The following ERC2 variants were observed in gnomAD, a reference collection of about 807,000 sequenced individuals.
ERC2 encodes ELKS/RAB6-interacting/CAST family member 2, also known as ERC protein 2.
In ERC2, 42 loss-of-function variants were observed where a neutral mutation model predicts 114.8. The ratio of observed to expected loss-of-function variants is 0.37; its 90% CI spans 0.29 to 0.47. The LOEUF (loss-of-function observed/expected upper bound fraction) is 0.47, where lower values mean the gene tolerates loss of function less well. Among genes scored for constraint, ERC2 ranks in the 20% least tolerant of loss-of-function variants. ERC2 has a pLI of 0.99. For synonymous variants in ERC2, 454 were observed against 425.5 expected, an observed-to-expected ratio of 1.07 and a Z score of -0.82; for missense variants, 939 against 1,150.7, an observed-to-expected ratio of 0.82 and a Z score of 2.66.
chr3:55,606,512 T>C (rs2058649252), intron 17 of ERC2: 1 of 152,236 alleles, frequency 6.6e-6, no homozygotes, highest in Non-Finnish European at 1.5e-5. Context: ...TGTAGCAAGA[T>C]CCAAACAACA....
rs114916260 is a variant in ERC2 at position 56,447,196 on chromosome 3, A to G, written c.-140-12049T>C. Among the ~76,000 whole-genome samples the G allele has an allele frequency of 8.9e-3, 1,361 of 152,294 alleles. 31 individuals are homozygous for G. Among genetic ancestry groups the G allele is most frequent in the African/African-American group, 0.031 (1,288 of 41,560 alleles). ...CTGTGTCTGAGCTTGGCCACGGGGG[A>G]CTGGGTTGGCCTTCCCTTGCAGGAC... On this transcript the variant is annotated intron_variant, in intron 1 of 17. Coordinates refer to ENST00000288221, the MANE Select transcript of ERC2 (RefSeq NM_015576.3).
chr3:56,191,368 A>G (rs2047769123), intron 3 of ERC2, among the ~76,000 whole-genome samples: 1 of 152,164 alleles, frequency 6.6e-6, no homozygotes, highest in African/African-American at 2.4e-5. Context: ...GCTCCCCAGC[A>G]TGCAGCATAC....
chr3:56,411,464 C>T (rs949322780), intron 2 of ERC2, among the ~76,000 whole-genome samples: 1 of 151,774 alleles, frequency 6.6e-6, no homozygotes, highest in Non-Finnish European at 1.5e-5. Context: ...ATTTAGATAC[C>T]CTAATTTAAA....
intron 14 of ERC2, among the ~76,000 whole-genome samples, chr3:55,849,658 C>G (rs2061495569): frequency 6.6e-6 from 1 of 152,140 alleles, no homozygotes; most frequent in African/African-American, 2.4e-5. Context: ...TTTTTACATT[C>G]TAATGATTTC....
intron 6 of ERC2, among the ~76,000 whole-genome samples, chr3:56,118,730 G>A (rs796866905): frequency 3.0e-4 from 44 of 148,334 alleles, no homozygotes; most frequent in African/African-American, 9.7e-4. Flanking sequence ...TCCGCCTCCC[G>A]GGTTCACGCC....
At chr3:56,070,358 G>A (rs139251139) in intron 7 of ERC2, among the ~76,000 whole-genome samples, 3 of 152,246 alleles carry the variant, frequency 2.0e-5, no homozygotes, top group Non-Finnish European at 2.9e-5. Flanking sequence ...ATTGACAGAT[G>A]TGTCAAGATG....
intron 17 of ERC2, among the ~76,000 whole-genome samples, chr3:55,662,921 G>A (rs182383055): frequency 6.6e-6 from 1 of 152,138 alleles, no homozygotes; most frequent in South Asian, 2.1e-4. Flanking sequence ...ATGAGAGAGG[G>A]CTATTTAACT....
At chr3:55,729,887 G>T (rs552713853) in intron 15 of ERC2, among the ~76,000 whole-genome samples, 1 of 134,832 alleles carries the variant, frequency 7.4e-6, no homozygotes, top group Non-Finnish European at 1.5e-5. Context: ...ACAAGGAAGC[G>T]GTCTTTATGT....
At chr3:55,799,083 T>C (rs987380720) in intron 14 of ERC2, among the ~76,000 whole-genome samples, 11 of 151,962 alleles carry the variant, frequency 7.2e-5, no homozygotes, top group African/African-American at 2.7e-4. Context: ...GATTCATCGG[T>C]CACAGTAGCA....
intron 13 of ERC2, among the ~76,000 whole-genome samples, chr3:55,907,768 T>C (rs963341382): frequency 6.6e-6 from 1 of 152,210 alleles, no homozygotes; most frequent in African/African-American, 2.4e-5. Context: ...AGATTGGAGA[T>C]AATAACACAC....
intron 12 of ERC2, among the ~76,000 whole-genome samples, chr3:55,967,422 C>G (rs1314821306): frequency 1.3e-5 from 2 of 152,134 alleles, no homozygotes; most frequent in Non-Finnish European, 1.5e-5. Flanking sequence ...GGGTCTCAAC[C>G]TCGTATTTCT....
chr3:55,593,957 T>C (rs1559711523), intron 17 of ERC2, among the ~76,000 whole-genome samples: 1 of 152,130 alleles, frequency 6.6e-6, no homozygotes, highest in Non-Finnish European at 1.5e-5. Flanking sequence ...GATGCCAGCA[T>C]TGACCCTTCA....
At chr3:56,110,560 T>A (rs966507543) in intron 6 of ERC2, among the ~76,000 whole-genome samples, 2 of 152,174 alleles carry the variant, frequency 1.3e-5, no homozygotes, top group African/African-American at 4.8e-5. Flanking sequence ...TTTAATATAA[T>A]GTACATACAA....
At chr3:56,345,370 T>A (rs1472180279) in intron 2 of ERC2, among the ~76,000 whole-genome samples, 1 of 152,204 alleles carries the variant, frequency 6.6e-6, no homozygotes. Flanking sequence ...ACAGTCTGGT[T>A]GAAAGGGCAA....
chr3:55,962,139 AG>A (rs1363097699), intron 12 of ERC2, among the ~76,000 whole-genome samples: 3 of 152,230 alleles, frequency 2.0e-5, no homozygotes, highest in African/African-American at 7.2e-5. Context: ...AGGTCAAAAA[AG>A]AAAAAAAAGC....
At chr3:55,578,996 T>C (rs2057124817) in intron 17 of ERC2, among the ~76,000 whole-genome samples, 1 of 152,154 alleles carries the variant, frequency 6.6e-6, no homozygotes, top group South Asian at 2.1e-4. Flanking sequence ...AGGCTTAGGC[T>C]GGGAAGTGGC....
chr3:55,642,120 T>C (rs2060209277), intron 17 of ERC2, among the ~76,000 whole-genome samples: 1 of 152,134 alleles, frequency 6.6e-6, no homozygotes, highest in African/African-American at 2.4e-5. Context: ...GAATAAACAA[T>C]GAGGAATGTA....
At chr3:56,408,423 T>C (rs1021157522) in intron 2 of ERC2, among the ~76,000 whole-genome samples, 14 of 152,028 alleles carry the variant, frequency 9.2e-5, no homozygotes, top group Admixed American at 7.2e-4. Flanking sequence ...GTAAGGGAGA[T>C]AGGCATAATG....
At chr3:55,947,308 A>G (rs1309562559) in intron 13 of ERC2, among the ~76,000 whole-genome samples, 1 of 152,108 alleles carries the variant, frequency 6.6e-6, no homozygotes, top group African/African-American at 2.4e-5. Flanking sequence ...GAAATTTTTC[A>G]TTATGCATAT....
Sources: gnomAD v4.1 joint callset for allele counts (sites outside exome capture counted in the v4.1 genomes callset) on GRCh38, gnomAD v4.1.1 for gene constraint, MANE v1.5 for transcripts, NCBI Gene and HGNC (gene_info 2026-07-23, HGNC 2026-07-21) for gene names.